Variants in PON2 observed in about 807,000 individuals in gnomAD.
PON2 encodes serum paraoxonase/arylesterase 2.
Under a neutral mutation model 36.6 loss-of-function variants are expected in PON2, and 27 were observed. That is an observed-to-expected ratio of 0.74 (90% CI 0.54 to 1.02). The LOEUF (loss-of-function observed/expected upper bound fraction) is 1.02, where lower values mean the gene tolerates loss of function less well. Ranked by LOEUF, PON2 falls within the 50% of genes least tolerant of loss-of-function variation. The probability of loss-of-function intolerance (pLI) is 0.00; values close to 1 mark genes in which losing one functional copy is unlikely to be tolerated. For missense variants in PON2, 363 were observed against 421.1 expected (o/e 0.86, Z 1.21); for synonymous variants, 149 against 156.3 (o/e 0.95, Z 0.35).
At chr7:95,427,037 T>C (rs1005254400) in intron 1 of PON2, among the ~76,000 whole-genome samples, 1 of 152,244 alleles carries the variant, frequency 6.6e-6, no homozygotes, top group Non-Finnish European at 1.5e-5. Context: ...CTTCATCAAC[T>C]AGTTTTCTTG....
At position 95,407,011 on chromosome 7, in the gene PON2, A is replaced by G; in HGVS notation, c.753T>C (p.Thr251=). 1 of 1,574,118 alleles carries G rather than the reference A, an allele frequency of 6.4e-7. No homozygotes were observed. The highest frequency in any genetic ancestry group is 1.3e-5 in the African/African-American group (1 of 74,102). The change falls in exon 7 of 9, where the codon ACT becomes ACC. Residue 251 remains threonine (T), a synonymous_variant. Transcript: ENST00000222572. The part of the protein sequence containing the change: ...AHEIHVLEKH[T]NMNLTQLKVL... ...CCTTCAACTGAGTTAAATTCATATT[A>G]GTGTGTTTTTCCAAAACATGAATTT...
At chr7:95,423,628 G>A (rs532914990) in intron 2 of PON2, among the ~76,000 whole-genome samples, 4 of 152,272 alleles carry the variant, frequency 2.6e-5, no homozygotes, top group African/African-American at 7.2e-5. Flanking sequence ...GTCAAGGGAA[G>A]AGGGAGACTC....
rs1809644482 is a variant in PON2, at chr7:95,405,169, A to T, written c.*161T>A. On this transcript the variant is annotated 3_prime_UTR_variant, in exon 9 of 9. Coordinates refer to ENST00000222572, the MANE Select transcript of PON2 (RefSeq NM_000305.3). ...ACCTGTTCATTTTCCTTTTTTGTTA[A>T]AAGTGCTCTAAGAACTAAAAGGGCC... 1.4e-6 allele frequency: 1 copy of T among 717,232 alleles called. No individual in the cohort carries two copies. The allele number at this position is 717,232 out of a possible 1,614,324, so 44.4% of individuals were successfully genotyped here. A position where few individuals can be genotyped will look rare whatever the true frequency, so the allele number is the denominator to read the frequency against.
chr7:95,426,307 T>C (rs1256335540), intron 1 of PON2, among the ~76,000 whole-genome samples: 1 of 152,132 alleles, frequency 6.6e-6, no homozygotes, highest in Non-Finnish European at 1.5e-5. Flanking sequence ...GTGGTAGTAA[T>C]CTTAATTGTG....
chr7:95,434,814 C>T, intron 1 of PON2, 64 bp downstream of exon 1: 1 of 1,510,240 alleles, frequency 6.6e-7, no homozygotes, highest in Non-Finnish European at 8.9e-7. Context: ...GCGCCCTCCC[C>T]GCACCACGCG....
At chr7:95,432,817 A>G (rs966223795) in intron 1 of PON2, among the ~76,000 whole-genome samples, 1 of 152,218 alleles carries the variant, frequency 6.6e-6, no homozygotes, top group Admixed American at 6.5e-5. Context: ...CTCAGCCACC[A>G]CACGCTTCCT....
intron 1 of PON2, among the ~76,000 whole-genome samples, chr7:95,431,332 G>A (rs923089624): frequency 3.3e-5 from 5 of 152,104 alleles, no homozygotes; most frequent in Admixed American, 2.6e-4. Flanking sequence ...CAAACAGTAG[G>A]CATCAGATTA....
At chr7:95,425,379 C>T (rs1278566284) in intron 1 of PON2, among the ~76,000 whole-genome samples, 1 of 152,166 alleles carries the variant, frequency 6.6e-6, no homozygotes, top group African/African-American at 2.4e-5. Flanking sequence ...TGTCTTCCCC[C>T]TCCCTCTCCA....
intron 1 of PON2, among the ~76,000 whole-genome samples, chr7:95,429,141 G>A (rs530889821): frequency 7.9e-5 from 12 of 151,296 alleles, no homozygotes; most frequent in Non-Finnish European, 1.5e-4. Flanking sequence ...CCATTAACTC[G>A]TCATTTACAT....
chr7:95,407,011 A>C lies in PON2; in HGVS notation c.753T>G (p.Thr251=), dbSNP rs140792745. The part of the protein sequence containing the change: ...AHEIHVLEKH[T]NMNLTQLKVL... Reference sequence around the variant, plus strand: ...CCTTCAACTGAGTTAAATTCATATTAGTGTGTTTTTCCAAAACATGAATTT... The same window carrying C: ...CCTTCAACTGAGTTAAATTCATATTCGTGTGTTTTTCCAAAACATGAATTT... Residue 251 remains threonine (T), a synonymous_variant, in exon 7 of 9, where the codon ACT becomes ACG. Coordinates refer to ENST00000222572, the MANE Select transcript of PON2 (RefSeq NM_000305.3). The C allele has an allele frequency of 1.9e-6, 3 of 1,574,000 alleles. No individual in the cohort carries two copies. In the African/African-American group the frequency reaches 4.1e-5, roughly 21 times the overall value.
In PON2 at chr7:95,429,190, T is replaced by TA. The variant is rs376870606; in HGVS notation, c.75-4606dup. On this transcript the variant is annotated intron_variant, in intron 1 of 8. Coordinates refer to ENST00000222572, the MANE Select transcript of PON2 (RefSeq NM_000305.3). ...TAATGCTATCCCTCCCCCCTCCCCC[T>TA]ACCCCACAAGAGGCCCCGGTGTGTG... Among the ~76,000 whole-genome samples the TA allele has an allele frequency of 5.5e-3, 506 of 91,704 alleles. 3 individuals carry two copies. Among genetic ancestry groups the TA allele is most frequent in the African/African-American group, 0.02 (477 of 24,296 alleles). The allele number at this position is 91,704 out of a possible 152,430, so 60.2% of individuals were successfully genotyped here.
chr7:95,409,762 T>C, intron 6 of PON2, 139 bp downstream of exon 6: 2 of 335,310 alleles, frequency 6.0e-6, no homozygotes, highest in Non-Finnish European at 1.1e-5. Flanking sequence ...ATTATATATA[T>C]AGTGTATCTA....
rs17876062 is a variant in PON2, at chr7:95,433,248, TTTTA to T, written c.74+1626_74+1629del. 6.2e-4 allele frequency among the ~76,000 whole-genome samples: 94 copies of T among 151,986 alleles called. 1 individual carries two copies. The highest frequency in any genetic ancestry group is 1.9e-3 in the South Asian group (9 of 4,794). On this transcript the variant is annotated intron_variant, in intron 1 of 8. Transcript: ENST00000222572. ...ATAAATTACCAACTCAAATTTTGTT[TTTTA>T]TTTATTTATTTATTTATTTATTCAT...
chr7:95,419,151 T>C (rs1010966646), intron 2 of PON2, among the ~76,000 whole-genome samples: 1 of 152,192 alleles, frequency 6.6e-6, no homozygotes, highest in African/African-American at 2.4e-5. Flanking sequence ...AAATTACAGT[T>C]TGTTTAATTC....
At chr7:95,418,797 G>T (rs1369402086) in intron 2 of PON2, among the ~76,000 whole-genome samples, 1 of 151,984 alleles carries the variant, frequency 6.6e-6, no homozygotes, top group Admixed American at 6.6e-5. Context: ...CTCTTATTGT[G>T]TGCTTGACTC....
chr7:95,426,367 T>A (rs1299028521), intron 1 of PON2, among the ~76,000 whole-genome samples: 2 of 152,188 alleles, frequency 1.3e-5, no homozygotes, highest in African/African-American at 4.8e-5. Context: ...AGGAAATAAA[T>A]AATAAAAAAG....
intron 1 of PON2, among the ~76,000 whole-genome samples, chr7:95,428,313 T>A (rs546727664): frequency 6.6e-6 from 1 of 152,320 alleles, no homozygotes; most frequent in African/African-American, 2.4e-5. Context: ...GCTTCCTTCA[T>A]TGGTGTCACA....
rs765733490 is a variant in PON2 at position 95,405,455 on chromosome 7, G to C, written c.940C>G (p.Pro314Ala). 3.7e-6 allele frequency: 6 copies of C among 1,613,494 alleles called. No homozygotes were observed. Among genetic ancestry groups the C allele is most frequent in the East Asian group, 2.2e-5 (1 of 44,862 alleles). ...LRIQNILSEKPTVTTVYANNG... is the reference protein window; with the variant it reads ...LRIQNILSEKATVTTVYANNG... ...TTGGCATAAACTGTAGTCACTGTAG[G>C]CTTCTCAGATAGAATGTTCTGGATG... Residue 314 changes from proline to alanine, a missense_variant, in exon 9 of 9, where the codon CCT becomes GCT. Pro to Ala is a conservative substitution (Grantham distance 27). Coordinates refer to ENST00000222572, the MANE Select transcript of PON2 (RefSeq NM_000305.3).
chr7:95,409,013 G>A (rs1213839893), intron 6 of PON2, among the ~76,000 whole-genome samples: 1 of 152,084 alleles, frequency 6.6e-6, no homozygotes, highest in Non-Finnish European at 1.5e-5. Flanking sequence ...TAACCATTAT[G>A]TTATAATACT....
Sources: allele counts gnomAD v4.1 joint callset (sites outside exome capture counted in the v4.1 genomes callset), GRCh38; gene constraint gnomAD v4.1.1; transcripts MANE v1.5; gene names NCBI Gene and HGNC (gene_info 2026-07-23, HGNC 2026-07-21).